ST6GALNAC5: variants seen among roughly 807,000 people sequenced by gnomAD.
ST6GALNAC5 encodes alpha-N-acetylgalactosaminide alpha-2,6-sialyltransferase 5.
In ST6GALNAC5, 27 loss-of-function variants were observed where a neutral mutation model predicts 33.6. That is an observed-to-expected ratio of 0.80 (90% CI 0.59 to 1.11). The LOEUF is 1.11. ST6GALNAC5 is among the 50% of genes least tolerant of loss of function. ST6GALNAC5 has a pLI of 0.00. For missense variants in ST6GALNAC5, 428 were observed against 454.0 expected (o/e 0.94, Z 0.52); for synonymous variants, 194 against 171.2 (o/e 1.13, Z -1.04).
chr1:76,988,155 A>C (rs1009631790), intron 2 of ST6GALNAC5, among the ~76,000 whole-genome samples: 1 of 151,924 alleles, frequency 6.6e-6, no homozygotes, highest in Non-Finnish European at 1.5e-5. Context: ...TGCTTCTTTG[A>C]TTCTATTGCT....
chr1:76,868,669 G>A lies in ST6GALNAC5; in HGVS notation c.188G>A (p.Ser63Asn). Residue 63 changes from serine (S) to asparagine (N), a missense_variant, in exon 2 of 5, where the codon AGC becomes AAC. Transcript: ENST00000477717. This position sits in a 1 kb window ranked among gnomAD's most constrained non-coding sequence, Gnocchi z 4.3. ...AGCTCGCAGCCGGCGGCGGAGAGCA[G>A]CACCCAGCAGCGCCCCGGGGTCCCC... is the stretch of plus-strand genomic sequence containing the variant. ...TGSSQPAAES[S>N]TQQRPGVPAG... 6.4e-7 allele frequency: 1 copy of A among 1,573,740 alleles called. No individual in the cohort carries two copies. Among genetic ancestry groups the A allele is most frequent in the Non-Finnish European group, 8.6e-7 (1 of 1,158,400 alleles).
At chr1:76,891,067 G>C (rs1483300249) in intron 2 of ST6GALNAC5, among the ~76,000 whole-genome samples, 1 of 151,946 alleles carries the variant, frequency 6.6e-6, no homozygotes, top group African/African-American at 2.4e-5. Flanking sequence ...TTTGTGTAGG[G>C]GACACATGTT....
In ST6GALNAC5 at chr1:77,063,521, A is replaced by T; in HGVS notation, c.*315A>T. The T allele has an allele frequency of 2.9e-6, 1 of 339,916 alleles. No individual in the cohort carries two copies. The highest frequency in any genetic ancestry group is 5.5e-6 in the Non-Finnish European group (1 of 180,920). The allele number at this position is 339,916 out of a possible 1,614,324, so 21.1% of individuals were successfully genotyped here. On this transcript the variant is annotated 3_prime_UTR_variant, in exon 5 of 5. Coordinates refer to ENST00000477717, the MANE Select transcript of ST6GALNAC5 (RefSeq NM_030965.3). Reference sequence around the variant, plus strand: ...AGTATTGCCTTTGAAACTGCAACATAAGCAACTCAACAATATTAGTTGCAT... The same window carrying T: ...AGTATTGCCTTTGAAACTGCAACATTAGCAACTCAACAATATTAGTTGCAT...
At chr1:76,900,955 T>C (rs965093623) in intron 2 of ST6GALNAC5, among the ~76,000 whole-genome samples, 1 of 152,234 alleles carries the variant, frequency 6.6e-6, no homozygotes, top group African/African-American at 2.4e-5. Context: ...AATAAGATAT[T>C]ATTTACAGTG....
At chr1:77,039,322 G>T (rs1651759624) in intron 2 of ST6GALNAC5, among the ~76,000 whole-genome samples, 1 of 152,154 alleles carries the variant, frequency 6.6e-6, no homozygotes, top group Non-Finnish European at 1.5e-5. Flanking sequence ...TCCTTACTGT[G>T]TCCCGGGCCA....
rs1241629664 is a variant in ST6GALNAC5 at position 77,064,784 on chromosome 1, T to A, written c.*1578T>A. 6.6e-6 allele frequency: 1 copy of A among 152,160 alleles called. No individual in the cohort carries two copies. Among genetic ancestry groups the A allele is most frequent in the African/African-American group, 2.4e-5 (1 of 41,438 alleles). The allele number at this position is 152,160 out of a possible 1,614,324, so 9.4% of individuals were successfully genotyped here. ...CAAATTTGAAGGCACCAGCAAATAT[T>A]ATGTATGAAGACTGACATTGTTTTA... On this transcript the variant is annotated 3_prime_UTR_variant, in exon 5 of 5. Transcript: ENST00000477717.
chr1:76,872,707 A>T (rs769491949), intron 2 of ST6GALNAC5, among the ~76,000 whole-genome samples: 12 of 152,222 alleles, frequency 7.9e-5, no homozygotes, highest in Non-Finnish European at 1.5e-4. Context: ...TACATAATTT[A>T]TTTGACCACA....
intron 2 of ST6GALNAC5, among the ~76,000 whole-genome samples, chr1:77,013,620 C>G (rs1650720883): frequency 6.6e-6 from 1 of 152,180 alleles, no homozygotes; most frequent in African/African-American, 2.4e-5. Flanking sequence ...ATCCCTAAAT[C>G]CTAACGCTAC....
chr1:76,924,267 A>G (rs1009787518), intron 2 of ST6GALNAC5, among the ~76,000 whole-genome samples: 12 of 152,200 alleles, frequency 7.9e-5, no homozygotes, highest in Non-Finnish European at 1.2e-4. Flanking sequence ...AATGCAGCAC[A>G]TTGAAGAGAT....
chr1:76,899,496 G>C (rs920300029), intron 2 of ST6GALNAC5, among the ~76,000 whole-genome samples: 6 of 152,104 alleles, frequency 3.9e-5, no homozygotes, highest in Non-Finnish European at 1.5e-5. Context: ...TGGGGTTCCT[G>C]CCCCTCCCCC....
chr1:76,992,440 T>G (rs1649773632), intron 2 of ST6GALNAC5, among the ~76,000 whole-genome samples: 1 of 152,084 alleles, frequency 6.6e-6, no homozygotes, highest in African/African-American at 2.4e-5. Flanking sequence ...CTCTAATCCT[T>G]TCTCTTCACT....
rs952554580 is a variant in ST6GALNAC5, at chr1:76,868,705, G to A, written c.224G>A (p.Arg75Gln). 23 of 1,532,786 alleles carry A rather than the reference G, an allele frequency of 1.5e-5. No individual in the cohort carries two copies. The Admixed American group carries it at 1.7e-4, about 11-fold the overall frequency. The allele number at this position is 1,532,786 out of a possible 1,614,324, so 94.9% of individuals were successfully genotyped here. A position where few individuals can be genotyped will look rare whatever the true frequency, so the allele number is the denominator to read the frequency against. ...CGCCCCGGGGTCCCCGCGGGACCGC[G>A]GCCACTGGACGGATACCTCGGAGTG... The part of the protein sequence containing the change: ...QQRPGVPAGP[R>Q]PLDGYLGVAD... Residue 75 changes from arginine (R) to glutamine (Q), a missense_variant, in exon 2 of 5, where the codon CGG becomes CAG. Coordinates refer to ENST00000477717, the MANE Select transcript of ST6GALNAC5 (RefSeq NM_030965.3). This position sits in a 1 kb window ranked among gnomAD's most constrained non-coding sequence, Gnocchi z 4.3.
intron 2 of ST6GALNAC5, 152 bp from the exon 3 acceptor site, chr1:77,044,052 A>G: frequency 6.7e-6 from 6 of 895,126 alleles, no homozygotes; most frequent in Non-Finnish European, 9.8e-6. Context: ...GCAAGGGTCC[A>G]TAAAGTAATA....
At chr1:76,875,421 G>A (rs919327946) in intron 2 of ST6GALNAC5, among the ~76,000 whole-genome samples, 16 of 152,210 alleles carry the variant, frequency 1.1e-4, no homozygotes, top group African/African-American at 3.9e-4. Flanking sequence ...TCTTACCTCC[G>A]TTGTGGAGTA....
chr1:76,943,064 A>C (rs1459635836), intron 2 of ST6GALNAC5, among the ~76,000 whole-genome samples: 2 of 151,950 alleles, frequency 1.3e-5, no homozygotes, highest in Non-Finnish European at 2.9e-5. Context: ...TCTTTCTTAC[A>C]GGCAACTTTT....
rs2100462486 is a variant in ST6GALNAC5, at chr1:77,044,454, G to A, written c.512G>A (p.Trp171Ter). Reference sequence around the variant, plus strand: ...AGCCAGGGCACCGTGTTCATCTTCTGGGGCCCCAGCAGCTACATGCGGCGG... The same window carrying A: ...AGCCAGGGCACCGTGTTCATCTTCTAGGGCCCCAGCAGCTACATGCGGCGG... Reference protein sequence around the residue: ...NVSQGTVFIFWGPSSYMRRDG... With the variant: ...NVSQGTVFIF The change falls in exon 3 of 5, where the codon TGG becomes TAG. Residue 171 changes from tryptophan to a stop codon, truncating the protein, a stop_gained. Transcript: ENST00000477717. LOFTEE classifies it high-confidence loss of function. 1 of 1,613,320 alleles carries A rather than the reference G, an allele frequency of 6.2e-7. No individual in the cohort carries two copies. Among genetic ancestry groups the A allele is most frequent in the Admixed American group, 1.7e-5 (1 of 59,962 alleles).
intron 2 of ST6GALNAC5, among the ~76,000 whole-genome samples, chr1:76,894,693 C>T (rs1200844620): frequency 3.3e-5 from 5 of 152,180 alleles, no homozygotes; most frequent in African/African-American, 9.6e-5. Context: ...TCTTTAAAAT[C>T]CTACCAAATA....
At chr1:77,058,094 A>G (rs1257374025) in intron 4 of ST6GALNAC5, among the ~76,000 whole-genome samples, 3 of 152,192 alleles carry the variant, frequency 2.0e-5, no homozygotes, top group Non-Finnish European at 4.4e-5. Flanking sequence ...CCTGGGTGCC[A>G]TTAGTACAGA....
Position 77,063,789 on chromosome 1 carries a change from G to A in ST6GALNAC5, c.*583G>A, listed in dbSNP as rs1460576761. On this transcript the variant is annotated 3_prime_UTR_variant, in exon 5 of 5. Coordinates refer to ENST00000477717, the MANE Select transcript of ST6GALNAC5 (RefSeq NM_030965.3). ...TATTTTTATAGATTATGATTATGTGGTAATTTATCCTTCCTAACTCTTTAA... is the reference window on the plus strand; with the variant it reads ...TATTTTTATAGATTATGATTATGTGATAATTTATCCTTCCTAACTCTTTAA... 3.2e-5 allele frequency: 5 copies of A among 154,024 alleles called. No individual in the cohort carries two copies. Among genetic ancestry groups the A allele is most frequent in the East Asian group, 1.9e-4 (1 of 5,194 alleles). The allele number at this position is 154,024 out of a possible 1,614,324, so 9.5% of individuals were successfully genotyped here. A position where few individuals can be genotyped will look rare whatever the true frequency, so the allele number is the denominator to read the frequency against.
Sources: allele counts gnomAD v4.1 joint callset (sites outside exome capture counted in the v4.1 genomes callset), GRCh38; gene constraint gnomAD v4.1.1; non-coding constraint Gnocchi (gnomAD v3.1); transcripts MANE v1.5; gene names NCBI Gene and HGNC (gene_info 2026-07-23, HGNC 2026-07-21).